Variants in HYCC2 observed in about 807,000 individuals in gnomAD.
HYCC2 encodes the protein hyccin 2.
At chr2:200,981,111 T>G in the HYCC2 span, 1 of 819,174 alleles carries the variant, frequency 1.2e-6, no homozygotes, top group African/African-American at 1.7e-5. This position sits in a 1 kb window ranked among gnomAD's most constrained non-coding sequence, Gnocchi z 4.5. Context: ...AAGAAAACCT[T>G]ATTGCTGTTT....
At chr2:201,038,487 C>T in the HYCC2 span, among the ~76,000 whole-genome samples, 2 of 152,146 alleles carry the variant, frequency 1.3e-5, no homozygotes, top group Non-Finnish European at 2.9e-5. Flanking sequence ...AGACTTGGAA[C>T]CAACCCAAAT....
At chr2:200,979,264 T>TAC in the HYCC2 span, 13,227 of 144,198 alleles carry the variant, frequency 0.092, 585 homozygotes, top group African/African-American at 0.12. Flanking sequence ...ATACACACCA[T>TAC]ACACACACAC....
At chr2:201,021,861 A>C in the HYCC2 span, 1 of 362,548 alleles carries the variant, frequency 2.8e-6, no homozygotes, top group Non-Finnish European at 5.4e-6. Flanking sequence ...GAGTTATAAA[A>C]CATTCAGAAA....
chr2:201,029,222 G>C, the HYCC2 span, among the ~76,000 whole-genome samples: 1 of 152,144 alleles, frequency 6.6e-6, no homozygotes, highest in Non-Finnish European at 1.5e-5. Flanking sequence ...ATCATCACTG[G>C]TTATCAGAGA....
At chr2:200,997,961 G>A in the HYCC2 span, among the ~76,000 whole-genome samples, 6 of 152,134 alleles carry the variant, frequency 3.9e-5, no homozygotes, top group East Asian at 1.9e-4. Context: ...GCTTGAACCC[G>A]GGAGGCGGAG....
chr2:201,028,342 G>A, the HYCC2 span, among the ~76,000 whole-genome samples: 1 of 152,154 alleles, frequency 6.6e-6, no homozygotes, highest in South Asian at 2.1e-4. Flanking sequence ...AACATTCCAT[G>A]TTCATGGACA....
the HYCC2 span, among the ~76,000 whole-genome samples, chr2:201,025,262 G>A: frequency 6.6e-6 from 1 of 152,056 alleles, no homozygotes; most frequent in Non-Finnish European, 1.5e-5. Context: ...AGCTAAAAAG[G>A]GATTCCGTAA....
chr2:200,994,494 C>T, the HYCC2 span, among the ~76,000 whole-genome samples: 19 of 152,158 alleles, frequency 1.2e-4, no homozygotes, highest in African/African-American at 4.6e-4. Flanking sequence ...ACCTTGGACT[C>T]CCAAAGTGCT....
At chr2:201,038,508 G>A in the HYCC2 span, among the ~76,000 whole-genome samples, 3 of 152,116 alleles carry the variant, frequency 2.0e-5, no homozygotes. Flanking sequence ...GTCCATCAAT[G>A]ATAGACTAGA....
At chr2:201,066,035 A>AAAT in the HYCC2 span, among the ~76,000 whole-genome samples, 12 of 152,238 alleles carry the variant, frequency 7.9e-5, no homozygotes, top group South Asian at 2.5e-3. Context: ...CTGCAAATTC[A>AAAT]AATTAACTTT....
chr2:200,973,989 T>C, the HYCC2 span: 1 of 152,142 alleles, frequency 6.6e-6, no homozygotes, highest in East Asian at 1.9e-4. Flanking sequence ...AATCGGTTCA[T>C]TAAGACAGGA....
chr2:201,042,811 A>G, the HYCC2 span, among the ~76,000 whole-genome samples: 1 of 142,426 alleles, frequency 7.0e-6, no homozygotes, highest in Non-Finnish European at 1.5e-5. Flanking sequence ...CCAGTCTGGG[A>G]AGTGGGGAGC....
the HYCC2 span, chr2:200,975,515 C>T: frequency 2.8e-3 from 429 of 152,150 alleles, 3 homozygotes; most frequent in African/African-American, 0.01. Context: ...CATTTATACT[C>T]TAAGCTACAC....
chr2:201,024,614 T>C, the HYCC2 span, among the ~76,000 whole-genome samples: 1 of 152,200 alleles, frequency 6.6e-6, no homozygotes, highest in East Asian at 1.9e-4. Flanking sequence ...TAAAATCAAG[T>C]TGCACATTAT....
At chr2:201,032,756 A>G in the HYCC2 span, among the ~76,000 whole-genome samples, 6 of 152,166 alleles carry the variant, frequency 3.9e-5, 2 homozygotes, top group South Asian at 1.2e-3. Flanking sequence ...TCCTTGGCTC[A>G]GTTGATCCTC....
the HYCC2 span, among the ~76,000 whole-genome samples, chr2:201,031,348 A>G: frequency 1.3e-5 from 2 of 152,136 alleles, no homozygotes; most frequent in Non-Finnish European, 2.9e-5. Flanking sequence ...ATCACAATAT[A>G]TATTACTGTA....
chr2:201,024,798 G>A, the HYCC2 span, among the ~76,000 whole-genome samples: 1 of 151,456 alleles, frequency 6.6e-6, no homozygotes, highest in Non-Finnish European at 1.5e-5. Context: ...GGCCTCTGAA[G>A]AAAACAGATC....
At chr2:201,018,193 T>C in the HYCC2 span, among the ~76,000 whole-genome samples, 1 of 152,194 alleles carries the variant, frequency 6.6e-6, no homozygotes. Context: ...AATGAGCAGT[T>C]AAAATAAACT....
the HYCC2 span, among the ~76,000 whole-genome samples, chr2:201,030,457 T>G: frequency 6.6e-6 from 1 of 152,138 alleles, no homozygotes; most frequent in African/African-American, 2.4e-5. Flanking sequence ...TATATATTTA[T>G]AACATGTATG....
Sources: gnomAD v4.1 joint callset for allele counts (sites outside exome capture counted in the v4.1 genomes callset) on GRCh38, gnomAD v4.1.1 for gene constraint, Gnocchi (gnomAD v3.1) non-coding constraint, MANE v1.5 for transcripts, NCBI Gene and HGNC (gene_info 2026-07-23, HGNC 2026-07-21) for gene names.